Variants in IQCB1 observed in about 807,000 individuals in gnomAD.
The protein encoded by IQCB1 is IQ calmodulin-binding motif-containing protein 1.
IQCB1 carries 56 observed loss-of-function variants against 84.4 expected under a neutral mutation model. The observed-to-expected ratio is 0.66, with a 90% CI of 0.54 to 0.83. The LOEUF is 0.83. Ranked by LOEUF, IQCB1 falls within the 40% of genes least tolerant of loss-of-function variation. The pLI is 0.00. For synonymous variants in IQCB1, 210 were observed against 234.8 expected, an observed-to-expected ratio of 0.89 and a Z score of 0.96; for missense variants, 629 against 682.1, an observed-to-expected ratio of 0.92 and a Z score of 0.87.
chr3:121,803,617 T>G (rs1346198227), intron 7 of IQCB1, among the ~76,000 whole-genome samples: 1 of 152,238 alleles, frequency 6.6e-6, no homozygotes, highest in African/African-American at 2.4e-5. Context: ...TCTTGTCAAT[T>G]TTTGCTTGTG....
At chr3:121,813,712 A>G (rs4676754) in intron 5 of IQCB1, among the ~76,000 whole-genome samples, 44,657 of 152,094 alleles carry the variant, frequency 0.29, 7,164 homozygotes, top group Admixed American at 0.44. Flanking sequence ...CAATGCAACA[A>G]AAAGAGCTAA....
intron 2 of IQCB1, among the ~76,000 whole-genome samples, chr3:121,832,851 T>C (rs2107469522): frequency 6.6e-6 from 1 of 152,316 alleles, no homozygotes; most frequent in East Asian, 1.9e-4. Flanking sequence ...TATTGATGGA[T>C]TAAAAAATGC....
At chr3:121,776,037 C>G (rs1216753631) in intron 13 of IQCB1, among the ~76,000 whole-genome samples, 1 of 138,700 alleles carries the variant, frequency 7.2e-6, no homozygotes, top group Non-Finnish European at 1.5e-5. Context: ...TTTTGAGATT[C>G]ATCCACGTTT....
At chr3:121,824,378 G>A (rs1920295) in intron 5 of IQCB1, among the ~76,000 whole-genome samples, 151,658 of 152,304 alleles carry the variant, frequency 1, 75,511 homozygotes, top group East Asian at 1. Context: ...ACAGCATGCC[G>A]TTTAAAATTT....
chr3:121,789,874 C>T (rs776440008), intron 11 of IQCB1, among the ~76,000 whole-genome samples, 199 bp downstream of exon 11: 1 of 152,072 alleles, frequency 6.6e-6, no homozygotes, highest in Non-Finnish European at 1.5e-5. Flanking sequence ...GGAGATTGTT[C>T]ATCGTCAACT....
chr3:121,772,535 C>A (rs745391975), intron 14 of IQCB1, 22 bp downstream of exon 14: 1 of 1,613,666 alleles, frequency 6.2e-7, no homozygotes, highest in East Asian at 2.2e-5. Flanking sequence ...TTTTAGAGAA[C>A]GAAAGTAAAA....
intron 12 of IQCB1, among the ~76,000 whole-genome samples, chr3:121,787,189 TA>T (rs11385480): frequency 6.1e-5 from 9 of 148,178 alleles, no homozygotes; most frequent in South Asian, 2.1e-4. Context: ...TTTGGATGAT[TA>T]AAAAAAAAAA....
chr3:121,819,727 C>T (rs935078653), intron 5 of IQCB1, among the ~76,000 whole-genome samples: 2 of 152,198 alleles, frequency 1.3e-5, no homozygotes, highest in Admixed American at 6.5e-5. Flanking sequence ...GATTTTTACT[C>T]ATGAGTAATC....
intron 12 of IQCB1, among the ~76,000 whole-genome samples, chr3:121,784,470 CAT>C (rs1007661270): frequency 1.3e-5 from 2 of 152,030 alleles, no homozygotes; most frequent in African/African-American, 4.8e-5. Context: ...GGTTTTGTTT[CAT>C]ATATTACCTT....
At chr3:121,780,937 C>T (rs1948457979) in intron 13 of IQCB1, among the ~76,000 whole-genome samples, 1 of 151,874 alleles carries the variant, frequency 6.6e-6, no homozygotes, top group South Asian at 2.1e-4. Context: ...ACAATCACAA[C>T]AAAACTCGTG....
At chr3:121,800,978 A>T (rs960280026) in intron 7 of IQCB1, among the ~76,000 whole-genome samples, 1 of 151,962 alleles carries the variant, frequency 6.6e-6, no homozygotes, top group African/African-American at 2.4e-5. Context: ...ACTTGTTTGT[A>T]TCTGATACTT....
intron 13 of IQCB1, among the ~76,000 whole-genome samples, chr3:121,781,087 T>G (rs1948468231): frequency 6.6e-6 from 1 of 152,032 alleles, no homozygotes; most frequent in African/African-American, 2.4e-5. Context: ...GAAAAGAAAG[T>G]AGAGGTAATC....
chr3:121,815,391 G>C (rs993951273), intron 5 of IQCB1, among the ~76,000 whole-genome samples: 3 of 152,190 alleles, frequency 2.0e-5, no homozygotes, highest in African/African-American at 7.2e-5. Context: ...ATTCAACATA[G>C]TATTGGATGT....
At chr3:121,809,047 G>GT (rs532860839) in intron 5 of IQCB1, 38 bp from the exon 6 acceptor site, 45 of 1,141,444 alleles carry the variant, frequency 3.9e-5, no homozygotes, top group Middle Eastern at 2.1e-4. Flanking sequence ...CTTTTCTATA[G>GT]TTTTTTTCCT....
chr3:121,799,264 A>C lies in IQCB1; in HGVS notation c.698T>G (p.Leu233Arg). 6.2e-7 allele frequency: 1 copy of C among 1,610,930 alleles called. No individual in the cohort carries two copies. The highest frequency in any genetic ancestry group is 8.5e-7 in the Non-Finnish European group (1 of 1,177,826). The change falls in exon 8 of 15, where the codon CTC (leucine) becomes CGC (arginine). Residue 233 changes from leucine (L) to arginine (R), a missense_variant. By Grantham distance (102) the Leu-to-Arg change is moderately radical. Transcript: ENST00000310864. ...ATGGGATTCAGCCATCAACAGTAGG[A>C]GTTTTGTAGCAGTACTTCTTATAAC... ...SPVIRSTATK[L>R]LLLMAESHQE...
chr3:121,777,946 C>T (rs1371166276), intron 13 of IQCB1, among the ~76,000 whole-genome samples: 1 of 151,250 alleles, frequency 6.6e-6, no homozygotes, highest in African/African-American at 2.4e-5. Context: ...CTCACTCGGC[C>T]ACACAGGCTG....
chr3:121,811,409 C>T (rs773113513), intron 5 of IQCB1, among the ~76,000 whole-genome samples: 7 of 152,158 alleles, frequency 4.6e-5, no homozygotes, highest in Non-Finnish European at 8.8e-5. Context: ...AAAACCCCAG[C>T]AAGACAGACT....
intron 11 of IQCB1, among the ~76,000 whole-genome samples, chr3:121,788,871 C>T (rs553568650): frequency 1.3e-5 from 2 of 152,226 alleles, no homozygotes; most frequent in East Asian, 3.9e-4. Context: ...CTTGGAGTTG[C>T]TCAGCATACA....
At chr3:121,830,774 T>C (rs1373236988) in intron 2 of IQCB1, among the ~76,000 whole-genome samples, 1 of 152,192 alleles carries the variant, frequency 6.6e-6, no homozygotes, top group African/African-American at 2.4e-5. Context: ...AGCAGAACTC[T>C]AATCATCCCT....
Sources: gnomAD v4.1 joint callset for allele counts (sites outside exome capture counted in the v4.1 genomes callset) on GRCh38, gnomAD v4.1.1 for gene constraint, MANE v1.5 for transcripts, NCBI Gene and HGNC (gene_info 2026-07-23, HGNC 2026-07-21) for gene names.